RPS6KA1: variants seen among roughly 807,000 people sequenced by gnomAD.
RPS6KA1 encodes ribosomal protein S6 kinase A1, also known as ribosomal protein S6 kinase alpha-1.
Under a neutral mutation model 91.3 loss-of-function variants are expected in RPS6KA1, and 48 were observed. The observed-to-expected ratio is 0.53, with a 90% CI of 0.42 to 0.67. The LOEUF (loss-of-function observed/expected upper bound fraction) is 0.67, where lower values mean the gene tolerates loss of function less well. RPS6KA1 is among the 30% of genes least tolerant of loss of function. RPS6KA1 has a pLI of 0.00. For synonymous variants in RPS6KA1, 359 were observed against 384.7 expected (o/e 0.93, Z 0.78); for missense variants, 719 against 960.5 (o/e 0.75, Z 3.32).
Position 26,554,790 on chromosome 1 carries a change from C to A in RPS6KA1, c.756+52C>A. ...TCCAGCCCAAGCCTCTGGCCTCAGT[C>A]TCCCTATCTGTACAGTGAGGGGGTT... On this transcript the variant is annotated intron_variant, in intron 9 of 21. Transcript: ENST00000374168. This position sits in a 1 kb window ranked among gnomAD's most constrained non-coding sequence, Gnocchi z 4.6. 6.4e-7 allele frequency: 1 copy of A among 1,554,606 alleles called. No individual in the cohort carries two copies. Among genetic ancestry groups the A allele is most frequent in the Admixed American group, 1.9e-5 (1 of 53,508 alleles).
At chr1:26,573,104 C>T in intron 20 of RPS6KA1, 120 bp from the exon 21 acceptor site, 1 of 1,062,414 alleles carries the variant, frequency 9.4e-7, no homozygotes, top group Non-Finnish European at 1.4e-6. Flanking sequence ...AGAATGGATC[C>T]CAGGGGCTGC....
intron 2 of RPS6KA1, among the ~76,000 whole-genome samples, chr1:26,541,905 C>G (rs567446137): frequency 3.9e-5 from 6 of 152,336 alleles, no homozygotes; most frequent in African/African-American, 1.2e-4. Flanking sequence ...CTCTGGGCTT[C>G]TCTTCCAGCT....
intron 4 of RPS6KA1, among the ~76,000 whole-genome samples, chr1:26,550,117 G>A (rs1386783939): frequency 6.7e-6 from 1 of 149,554 alleles, no homozygotes; most frequent in African/African-American, 2.5e-5. Flanking sequence ...GACTTCAGGT[G>A]ATCCGCCTTC....
At chr1:26,534,827 T>C (rs1251061200) in intron 1 of RPS6KA1, among the ~76,000 whole-genome samples, 3 of 152,158 alleles carry the variant, frequency 2.0e-5, no homozygotes, top group Admixed American at 6.6e-5. Flanking sequence ...TCCTAGTTAT[T>C]GTGCTGGGCA....
rs2076280703 is a variant in RPS6KA1 at position 26,574,612 on chromosome 1, G to A, written c.*411G>A. ...TGGGGACCCCCACGATTGGCCACCT[G>A]TAGCCATCTGCACACACCTCCGAGA... On this transcript the variant is annotated 3_prime_UTR_variant, in exon 22 of 22. Transcript: ENST00000374168. The surrounding 1 kb of genome is among the most constrained non-coding windows in gnomAD (Gnocchi z 4.3). The A allele has an allele frequency of 7.8e-6, 3 of 385,530 alleles. No individual in the cohort carries two copies. Among genetic ancestry groups the A allele is most frequent in the South Asian group, 5.8e-5 (3 of 51,418 alleles). The allele number at this position is 385,530 out of a possible 1,614,324, so 23.9% of individuals were successfully genotyped here.
chr1:26,530,271 T>A (rs1040034772), intron 1 of RPS6KA1, among the ~76,000 whole-genome samples: 1 of 152,208 alleles, frequency 6.6e-6, no homozygotes, highest in African/African-American at 2.4e-5. Flanking sequence ...CGTCCCGGCA[T>A]CTGTCCAGAG....
At position 26,540,143 on chromosome 1, in the gene RPS6KA1, C is replaced by T. The variant is rs2075936171; in HGVS notation, c.108+3174C>T. 6.6e-6 allele frequency among the ~76,000 whole-genome samples: 1 copy of T among 152,178 alleles called. No homozygotes were observed. Among genetic ancestry groups the T allele is most frequent in the Admixed American group, 6.5e-5 (1 of 15,288 alleles). ...TTCAGCCTGCCCAGGGGAGACCCCA[C>T]AGCAGTAAGACTAAGTAAACCTGGG... On this transcript the variant is annotated intron_variant, in intron 2 of 21. Transcript: ENST00000374168. This position sits in a 1 kb window ranked among gnomAD's most constrained non-coding sequence, Gnocchi z 4.2.
At position 26,571,596 on chromosome 1, in the gene RPS6KA1, T is replaced by C. The variant is rs1018767059; in HGVS notation, c.1738T>C (p.Phe580Leu). The change falls in exon 18 of 22, where the codon TTT (phenylalanine) becomes CTT (leucine). Residue 580 changes from phenylalanine (F) to leucine (L), a missense_variant. This residue lies in a region of RPS6KA1 where 249 missense variants were observed against 323.1 expected (regional missense o/e 0.77). Transcript: ENST00000374168. The surrounding 1 kb of genome is among the most constrained non-coding windows in gnomAD (Gnocchi z 5.1). Reference protein sequence around the residue: ...LLMTPCYTANFVAPEVLKRQG... With the variant: ...LLMTPCYTANLVAPEVLKRQG... Reference sequence around the variant, plus strand: ...CATGACACCTTGCTACACAGCCAACTTTGTGGCGCCTGAGGTGAGTGGCCC... The same window carrying C: ...CATGACACCTTGCTACACAGCCAACCTTGTGGCGCCTGAGGTGAGTGGCCC... 1 of 1,614,108 alleles carries C rather than the reference T, an allele frequency of 6.2e-7. No homozygotes were observed. Among genetic ancestry groups the C allele is most frequent in the Non-Finnish European group, 8.5e-7 (1 of 1,180,000 alleles).
intron 1 of RPS6KA1, among the ~76,000 whole-genome samples, chr1:26,531,947 G>A (rs149127620): frequency 2.6e-5 from 4 of 152,274 alleles, no homozygotes; most frequent in South Asian, 2.1e-4. Flanking sequence ...ACAGGGCCTC[G>A]CTGTTCTTAG....
intron 21 of RPS6KA1, among the ~76,000 whole-genome samples, 182 bp from the exon 22 acceptor site, chr1:26,573,897 C>T (rs537753743): frequency 6.6e-6 from 1 of 151,242 alleles, no homozygotes; most frequent in African/African-American, 2.4e-5. Context: ...AAGATTGTGC[C>T]ATTGCGTTCC....
At chr1:26,546,083 G>A in intron 2 of RPS6KA1, 1 of 1,589,350 alleles carries the variant, frequency 6.3e-7, no homozygotes, top group South Asian at 1.1e-5. Context: ...GTCCCTTGCA[G>A]CAGGTGCCTG....
intron 7 of RPS6KA1, 135 bp downstream of exon 7, chr1:26,553,632 T>G (rs888242382): frequency 8.2e-5 from 42 of 512,744 alleles, no homozygotes; most frequent in Middle Eastern, 3.2e-4. Flanking sequence ...GATGGGTGAG[T>G]GGGGTGGGTG....
rs1027269330 is a variant in RPS6KA1 at position 26,529,796 on chromosome 1, C to A, written c.-125C>A. Reference sequence around the variant, plus strand: ...TGCCGCGGCGGCGGCGGCGGACGGCCCAGCCGGAGCGCGAGGGGCTCGGGG... The same window carrying A: ...TGCCGCGGCGGCGGCGGCGGACGGCACAGCCGGAGCGCGAGGGGCTCGGGG... On this transcript the variant is annotated 5_prime_UTR_variant, in exon 1 of 22. Coordinates refer to ENST00000374168, the MANE Select transcript of RPS6KA1 (RefSeq NM_002953.4). The surrounding 1 kb of genome is among the most constrained non-coding windows in gnomAD (Gnocchi z 4.2). The A allele has an allele frequency of 5.9e-5, 38 of 645,722 alleles. No homozygotes were observed. The East Asian group carries it at 1.1e-3, about 18-fold the overall frequency. 40.0% of individuals were successfully genotyped at this position (645,722 alleles called of 1,614,324 possible). A position where few individuals can be genotyped will look rare whatever the true frequency, so the allele number is the denominator to read the frequency against.
In RPS6KA1 at chr1:26,561,492, A is replaced by T; in HGVS notation, c.1432-13A>T. On this transcript the variant is annotated splice_polypyrimidine_tract_variant and intron_variant, in intron 16 of 21. Transcript: ENST00000374168. This position sits in a 1 kb window ranked among gnomAD's most constrained non-coding sequence, Gnocchi z 5.7. ...CACTGGGGAGAAGAGCCTGATGGTG[A>T]GGTCTTCGGCAGGTGTATGATGATG... 6.2e-7 allele frequency: 1 copy of T among 1,614,058 alleles called. No homozygotes were observed. The highest frequency in any genetic ancestry group is 2.2e-5 in the East Asian group (1 of 44,882).
intron 14 of RPS6KA1, among the ~76,000 whole-genome samples, 171 bp downstream of exon 14, chr1:26,559,108 A>C (rs1403633991): frequency 6.6e-6 from 1 of 152,174 alleles, no homozygotes; most frequent in East Asian, 1.9e-4. Flanking sequence ...TGGCCCTGAT[A>C]ATTGGATGAT....
chr1:26,555,402 C>A lies in RPS6KA1; in HGVS notation c.828-135C>A. The A allele has an allele frequency of 9.6e-7, 1 of 1,040,290 alleles. No individual in the cohort carries two copies. The highest frequency in any genetic ancestry group is 1.5e-5 in the South Asian group (1 of 67,668). The allele number at this position is 1,040,290 out of a possible 1,614,324, so 64.4% of individuals were successfully genotyped here. On this transcript the variant is annotated intron_variant, in intron 10 of 21. Transcript: ENST00000374168. The surrounding 1 kb of genome is among the most constrained non-coding windows in gnomAD (Gnocchi z 4.3). Reference sequence around the variant, plus strand: ...ATCCCTGGGGGCCTGTGGGTAGGATCCCTGAAGCCTTTGGGAAGTGAATTA... The same window carrying A: ...ATCCCTGGGGGCCTGTGGGTAGGATACCTGAAGCCTTTGGGAAGTGAATTA...
intron 2 of RPS6KA1, among the ~76,000 whole-genome samples, chr1:26,541,331 G>A (rs559469602): frequency 1.3e-5 from 2 of 151,080 alleles, no homozygotes; most frequent in African/African-American, 2.4e-5. Flanking sequence ...GAGGCGGGCA[G>A]ATCGCCTGAG....
At position 26,529,793 on chromosome 1, in the gene RPS6KA1, G is replaced by T. The variant is rs868008122; in HGVS notation, c.-128G>T. On this transcript the variant is annotated 5_prime_UTR_variant, in exon 1 of 22. Transcript: ENST00000374168. The surrounding 1 kb of genome is among the most constrained non-coding windows in gnomAD (Gnocchi z 4.2). Reference sequence around the variant, plus strand: ...TAGTGCCGCGGCGGCGGCGGCGGACGGCCCAGCCGGAGCGCGAGGGGCTCG... The same window carrying T: ...TAGTGCCGCGGCGGCGGCGGCGGACTGCCCAGCCGGAGCGCGAGGGGCTCG... The T allele has an allele frequency of 1.4e-5, 8 of 586,130 alleles. No homozygotes were observed. Among genetic ancestry groups the T allele is most frequent in the African/African-American group, 6.0e-5 (3 of 50,054 alleles). The allele number at this position is 586,130 out of a possible 1,614,324, so 36.3% of individuals were successfully genotyped here.
chr1:26,545,850 A>T (rs1421486701), intron 2 of RPS6KA1: 1 of 1,506,138 alleles, frequency 6.6e-7, no homozygotes, highest in South Asian at 1.2e-5. Flanking sequence ...CCACTGCGGC[A>T]GCCCCGGACT....
Sources: allele counts gnomAD v4.1 joint callset (sites outside exome capture counted in the v4.1 genomes callset), GRCh38; gene constraint gnomAD v4.1.1; regional missense constraint gnomAD v4.1.1; non-coding constraint Gnocchi (gnomAD v3.1); transcripts MANE v1.5; gene names NCBI Gene and HGNC (gene_info 2026-07-23, HGNC 2026-07-21).